The following GNG12 variants were observed in gnomAD, a reference collection of about 807,000 sequenced individuals.
GNG12 encodes the protein guanine nucleotide-binding protein G(I)/G(S)/G(O) subunit gamma-12.
For missense variants in GNG12, 69 were observed against 83.8 expected, an observed-to-expected ratio of 0.82 and a Z score of 0.69; for synonymous variants, 28 against 29.7, an observed-to-expected ratio of 0.94 and a Z score of 0.19.
At chr1:67,760,555 C>A (rs151304489) in intron 2 of GNG12, among the ~76,000 whole-genome samples, 2 of 152,226 alleles carry the variant, frequency 1.3e-5, no homozygotes, top group East Asian at 3.9e-4. Flanking sequence ...CCTGATGGAT[C>A]GTGTTCAAGG....
intron 1 of GNG12, among the ~76,000 whole-genome samples, chr1:67,822,400 C>T (rs576887627): frequency 9.9e-5 from 15 of 152,026 alleles, no homozygotes; most frequent in African/African-American, 3.1e-4. Context: ...AGCAGTCAAC[C>T]CCTTTTGATT....
intron 1 of GNG12, among the ~76,000 whole-genome samples, chr1:67,802,981 C>T (rs924078075): frequency 3.3e-5 from 5 of 152,168 alleles, no homozygotes; most frequent in African/African-American, 1.2e-4. Context: ...TAAGAGAGAC[C>T]AAGAATGATG....
At chr1:67,723,290 G>C (rs1284219874) in intron 2 of GNG12, among the ~76,000 whole-genome samples, 1 of 152,164 alleles carries the variant, frequency 6.6e-6, no homozygotes, top group East Asian at 1.9e-4. Context: ...GGGATAGTAG[G>C]GCAGTTTCAA....
At chr1:67,822,733 C>CTT (rs113078404) in intron 1 of GNG12, among the ~76,000 whole-genome samples, 6 of 150,380 alleles carry the variant, frequency 4.0e-5, no homozygotes, top group South Asian at 2.1e-4. Flanking sequence ...TGTTTTTTTG[C>CTT]TTTTTTTTTG....
intron 2 of GNG12, among the ~76,000 whole-genome samples, chr1:67,746,522 G>A (rs1231457512): frequency 6.6e-6 from 1 of 152,082 alleles, no homozygotes; most frequent in Non-Finnish European, 1.5e-5. Flanking sequence ...CATTCGGAGG[G>A]AGCTATGGGG....
intron 1 of GNG12, among the ~76,000 whole-genome samples, chr1:67,809,847 T>C (rs1646913596): frequency 6.6e-6 from 1 of 152,164 alleles, no homozygotes; most frequent in African/African-American, 2.4e-5. Context: ...TACATCCACT[T>C]TGGAAGACAG....
At chr1:67,807,407 T>C (rs376580589) in intron 1 of GNG12, among the ~76,000 whole-genome samples, 2 of 150,788 alleles carry the variant, frequency 1.3e-5, no homozygotes, top group South Asian at 2.1e-4. Context: ...AAATTAAGCA[T>C]GGGCAAAGAT....
chr1:67,824,413 G>A (rs1177862481), intron 1 of GNG12, among the ~76,000 whole-genome samples: 1 of 151,636 alleles, frequency 6.6e-6, no homozygotes, highest in Non-Finnish European at 1.5e-5. Context: ...AGGAGGCTGA[G>A]GTGGGAGGAT....
intron 3 of GNG12, among the ~76,000 whole-genome samples, chr1:67,707,048 C>T (rs1253321226): frequency 2.6e-5 from 4 of 152,138 alleles, no homozygotes; most frequent in East Asian, 1.9e-4. Context: ...GAAAAGACTT[C>T]GAAGTCAGGT....
chr1:67,747,862 G>A (rs568783045), intron 2 of GNG12, among the ~76,000 whole-genome samples: 1 of 152,288 alleles, frequency 6.6e-6, no homozygotes. Flanking sequence ...AGGTTAAACT[G>A]GATCTTCTAA....
intron 1 of GNG12, among the ~76,000 whole-genome samples, chr1:67,781,340 G>T (rs1452886522): frequency 1.3e-5 from 2 of 152,190 alleles, no homozygotes; most frequent in Admixed American, 1.3e-4. Context: ...CTCCTTACAT[G>T]ATAAGAAATA....
intron 2 of GNG12, among the ~76,000 whole-genome samples, chr1:67,727,407 A>G (rs1646392899): frequency 6.6e-6 from 1 of 152,256 alleles, no homozygotes; most frequent in Non-Finnish European, 1.5e-5. Context: ...AAAATAAATG[A>G]CATGTGTTTA....
At chr1:67,705,655 C>T in intron 3 of GNG12, 79 bp from the exon 4 acceptor site, 1 of 1,497,558 alleles carries the variant, frequency 6.7e-7, no homozygotes, top group Non-Finnish European at 8.9e-7. Flanking sequence ...GAATGCTAGG[C>T]TATTGAATGG....
At chr1:67,827,510 C>T (rs537060294) in intron 1 of GNG12, among the ~76,000 whole-genome samples, 7 of 152,088 alleles carry the variant, frequency 4.6e-5, no homozygotes, top group Non-Finnish European at 7.4e-5. Flanking sequence ...ACTGCAAGCT[C>T]TGCCTCCCAG....
At chr1:67,750,549 T>C (rs1021325773) in intron 2 of GNG12, among the ~76,000 whole-genome samples, 2 of 152,220 alleles carry the variant, frequency 1.3e-5, no homozygotes, top group African/African-American at 4.8e-5. Context: ...ACTCAATAAA[T>C]GCTTGATGAC....
intron 2 of GNG12, among the ~76,000 whole-genome samples, chr1:67,730,140 T>C (rs1223791939): frequency 2.6e-5 from 4 of 152,176 alleles, no homozygotes; most frequent in Non-Finnish European, 5.9e-5. Context: ...GAACAACCTT[T>C]AAAAACACAT....
intron 2 of GNG12, among the ~76,000 whole-genome samples, chr1:67,712,831 CTT>C (rs11310806): frequency 0.032 from 4,732 of 147,016 alleles, 195 homozygotes; most frequent in African/African-American, 0.097. Context: ...CCATGTGGTT[CTT>C]TTTTTTTTTT....
chr1:67,803,261 C>T (rs953576185), intron 1 of GNG12, among the ~76,000 whole-genome samples: 2 of 152,142 alleles, frequency 1.3e-5, no homozygotes, highest in Non-Finnish European at 2.9e-5. Context: ...TGCCTATAAT[C>T]CCAGCACTTT....
chr1:67,800,039 A>T (rs1479893658), intron 1 of GNG12, among the ~76,000 whole-genome samples: 1 of 152,224 alleles, frequency 6.6e-6, no homozygotes. Flanking sequence ...AAACTTGATA[A>T]GTAGTGGCTT....
Sources: gnomAD v4.1 joint callset for allele counts (sites outside exome capture counted in the v4.1 genomes callset) on GRCh38, gnomAD v4.1.1 for gene constraint, MANE v1.5 for transcripts, NCBI Gene and HGNC (gene_info 2026-07-23, HGNC 2026-07-21) for gene names.